Variants in SPAST observed in about 807,000 individuals in gnomAD.
SPAST encodes the protein spastic paraplegia 4 (autosomal dominant; spastin).
In SPAST, 30 loss-of-function variants were observed where a neutral mutation model predicts 76.6. That is an observed-to-expected ratio of 0.39 (90% CI 0.29 to 0.53). SPAST has a LOEUF of 0.53. SPAST is among the 20% of genes least tolerant of loss of function. The probability of loss-of-function intolerance (pLI) is 0.68; values close to 1 mark genes in which losing one functional copy is unlikely to be tolerated. For synonymous variants in SPAST, 305 were observed against 281.0 expected, an observed-to-expected ratio of 1.09 and a Z score of -0.86; for missense variants, 717 against 770.5, an observed-to-expected ratio of 0.93 and a Z score of 0.82.
At chr2:32,153,283 C>G (rs1439284941) in intron 16 of SPAST, among the ~76,000 whole-genome samples, 1 of 150,452 alleles carries the variant, frequency 6.6e-6, no homozygotes, top group African/African-American at 2.4e-5. Context: ...TGATTTTTAA[C>G]ACAGGTCATT....
At chr2:32,125,293 G>A (rs1261929768) in intron 7 of SPAST, among the ~76,000 whole-genome samples, 3 of 151,654 alleles carry the variant, frequency 2.0e-5, no homozygotes, top group South Asian at 2.1e-4. Flanking sequence ...GCACGATCTC[G>A]GCTCACTGAA....
At chr2:32,140,198 G>T (rs925459874) in intron 12 of SPAST, among the ~76,000 whole-genome samples, 1 of 151,726 alleles carries the variant, frequency 6.6e-6, no homozygotes, top group Non-Finnish European at 1.5e-5. Flanking sequence ...TTTCTTACTG[G>T]GTTAGTATCT....
chr2:32,064,011 C>T lies in SPAST; in HGVS notation c.180C>T (p.Gly60=). 1 of 1,613,482 alleles carries T rather than the reference C, an allele frequency of 6.2e-7. No individual in the cohort carries two copies. The highest frequency in any genetic ancestry group is 2.2e-5 in the East Asian group (1 of 44,832). ...LYYFSYPLFV[G]FALLRLVAFH... ...ATTTCTCCTACCCGCTGTTTGTAGG[C>T]TTCGCGCTGCTGCGTTTGGTCGCCT... Residue 60 remains glycine, a synonymous_variant, in exon 1 of 17, where the codon GGC becomes GGT. Transcript: ENST00000315285.
intron 1 of SPAST, among the ~76,000 whole-genome samples, chr2:32,079,991 A>C (rs888037160): frequency 1.3e-5 from 2 of 152,136 alleles, no homozygotes. Context: ...TTTCTGTTTA[A>C]ATTTTTGAAC....
intron 9 of SPAST, chr2:32,130,718 CAAAAAA>C (rs902989770): frequency 7.0e-5 from 4 of 57,204 alleles, no homozygotes; most frequent in East Asian, 1.1e-3. Context: ...GACTCTGTCT[CAAAAAA>C]AAAAAAAAAA....
chr2:32,083,768 A>ATTTTTTTT (rs1553398805), intron 1 of SPAST, among the ~76,000 whole-genome samples: 13 of 51,602 alleles, frequency 2.5e-4, no homozygotes, highest in Admixed American at 7.3e-4. Context: ...ATATATATAT[A>ATTTTTTTT]TATATATATT....
rs60829143 is a variant in SPAST at position 32,066,972 on chromosome 2, CA to C, written c.415+2746del. Among the ~76,000 whole-genome samples, 20 of 77,600 alleles carry C rather than the reference CA, an allele frequency of 2.6e-4. No homozygotes were observed. In the South Asian group the frequency reaches 9.4e-3, roughly 37 times the overall value. 50.9% of individuals were successfully genotyped at this position (77,600 alleles called of 152,430 possible). A position where few individuals can be genotyped will look rare whatever the true frequency, so the allele number is the denominator to read the frequency against. On this transcript the variant is annotated intron_variant, in intron 1 of 16. Coordinates refer to ENST00000315285, the MANE Select transcript of SPAST (RefSeq NM_014946.4). ...CTGGGTGACAGGAGTAAAACTGTCT[CA>C]AAAAAAAAAAAAAAAAAAACCAAAA...
At chr2:32,070,771 A>G (rs1185655932) in intron 1 of SPAST, among the ~76,000 whole-genome samples, 1 of 152,228 alleles carries the variant, frequency 6.6e-6, no homozygotes, top group Non-Finnish European at 1.5e-5. Flanking sequence ...CTGGGTCTAC[A>G]GACATATACC....
chr2:32,142,826 T>C (rs1293991826), intron 13 of SPAST, among the ~76,000 whole-genome samples: 1 of 152,210 alleles, frequency 6.6e-6, no homozygotes, highest in Non-Finnish European at 1.5e-5. Context: ...TGGTGATGAT[T>C]GCACATCTAT....
chr2:32,097,860 CT>C (rs1677979515), intron 3 of SPAST, among the ~76,000 whole-genome samples: 1 of 151,680 alleles, frequency 6.6e-6, no homozygotes, highest in South Asian at 2.1e-4. Context: ...CGCCCGGATA[CT>C]TTTTTGTTTG....
At chr2:32,101,172 A>G (rs2148719632) in intron 4 of SPAST, among the ~76,000 whole-genome samples, 1 of 152,252 alleles carries the variant, frequency 6.6e-6, no homozygotes, top group Non-Finnish European at 1.5e-5. Flanking sequence ...GTGAGACGGT[A>G]TCTCATTGTG....
intron 7 of SPAST, among the ~76,000 whole-genome samples, chr2:32,116,678 G>C (rs2148735037): frequency 6.6e-6 from 1 of 152,280 alleles, no homozygotes. Flanking sequence ...TATTGGCCAG[G>C]CTGGTCTTTC....
rs1677535836 is a variant in SPAST, at chr2:32,087,584, ATTGTAT to A, written c.502+11_502+16del. 2 of 1,528,134 alleles carry A rather than the reference ATTGTAT, an allele frequency of 1.3e-6. No individual in the cohort carries two copies. The highest frequency in any genetic ancestry group is 1.4e-5 in the African/African-American group (1 of 73,090). 94.7% of individuals were successfully genotyped at this position (1,528,134 alleles called of 1,614,324 possible). A position where few individuals can be genotyped will look rare whatever the true frequency, so the allele number is the denominator to read the frequency against. On this transcript the variant is annotated splice_region_variant and intron_variant, in intron 2 of 16. Coordinates refer to ENST00000315285, the MANE Select transcript of SPAST (RefSeq NM_014946.4). ...TGTTATAGTTACAGGACAAGGTAAG[ATTGTAT>A]TTGTTTATAGCCATCCCAAATTATG... is the stretch of plus-strand genomic sequence containing the variant.
intron 2 of SPAST, among the ~76,000 whole-genome samples, chr2:32,088,349 A>T (rs1272612336): frequency 2.0e-5 from 3 of 151,006 alleles, no homozygotes; most frequent in Non-Finnish European, 2.9e-5. Flanking sequence ...TATTTATCTT[A>T]ATAAATGTAT....
chr2:32,129,552 G>GA (rs1679303641), intron 9 of SPAST: 1 of 152,188 alleles, frequency 6.6e-6, no homozygotes, highest in African/African-American at 2.4e-5. Flanking sequence ...CTGGTGTGCA[G>GA]AACTAGTGTG....
At chr2:32,092,890 C>T (rs1247973509) in intron 3 of SPAST, among the ~76,000 whole-genome samples, 1 of 151,946 alleles carries the variant, frequency 6.6e-6, no homozygotes, top group Admixed American at 6.6e-5. Context: ...ACCTGTAATC[C>T]CAGCTACTCA....
chr2:32,109,745 GT>G (rs1357065642), intron 4 of SPAST, among the ~76,000 whole-genome samples: 1 of 148,408 alleles, frequency 6.7e-6, no homozygotes, highest in Non-Finnish European at 1.5e-5. Context: ...AACTATATAT[GT>G]ATAAGCTATC....
At chr2:32,077,564 A>G (rs1168509795) in intron 1 of SPAST, among the ~76,000 whole-genome samples, 1 of 152,158 alleles carries the variant, frequency 6.6e-6, no homozygotes, top group African/African-American at 2.4e-5. Flanking sequence ...TGACGCCCAG[A>G]CAGATTAACT....
At position 32,090,052 on chromosome 2, in the gene SPAST, A is replaced by C. The variant is rs1212748988; in HGVS notation, c.586+447A>C. On this transcript the variant is annotated intron_variant, in intron 3 of 16. Coordinates refer to ENST00000315285, the MANE Select transcript of SPAST (RefSeq NM_014946.4). Reference sequence around the variant, plus strand: ...GTGCTGGAGTTACAGGCGTGAGCCAACGCGCCCAGCCGAGCATAATGAACT... The same window carrying C: ...GTGCTGGAGTTACAGGCGTGAGCCACCGCGCCCAGCCGAGCATAATGAACT... Among the ~76,000 whole-genome samples the C allele has an allele frequency of 3.3e-5, 5 of 152,202 alleles. No homozygotes were observed. The South Asian group carries it at 1.0e-3, about 31-fold the overall frequency.
Sources: gnomAD v4.1 joint callset for allele counts (sites outside exome capture counted in the v4.1 genomes callset) on GRCh38, gnomAD v4.1.1 for gene constraint, MANE v1.5 for transcripts, NCBI Gene and HGNC (gene_info 2026-07-23, HGNC 2026-07-21) for gene names.